Variants in TYW1B observed in about 807,000 individuals in gnomAD.
TYW1B encodes tRNA-yW synthesizing protein 1 homolog B.
In TYW1B, 73 loss-of-function variants were observed where a neutral mutation model predicts 86.9. That is an observed-to-expected ratio of 0.84 (90% confidence interval 0.70 to 1.02). The LOEUF (loss-of-function observed/expected upper bound fraction) is 1.02. Among genes scored for constraint, TYW1B ranks in the 50% least tolerant of loss-of-function variants. TYW1B has a pLI of 0.00. For synonymous variants in TYW1B, 248 were observed against 292.8 expected (o/e 0.85, Z 1.56); for missense variants, 637 against 827.4 (o/e 0.77, Z 2.82).
intron 8 of TYW1B, among the ~76,000 whole-genome samples, chr7:72,743,486 G>A (rs1346986906): frequency 6.6e-6 from 1 of 152,148 alleles, no homozygotes; most frequent in Admixed American, 6.6e-5. Flanking sequence ...GAGCTGCTAT[G>A]AAGACATGAG....
At chr7:72,638,812 AG>A (rs566859559) in intron 11 of TYW1B, among the ~76,000 whole-genome samples, 147 of 152,366 alleles carry the variant, frequency 9.6e-4, no homozygotes, top group Non-Finnish European at 1.9e-3. Flanking sequence ...TTGATGCACT[AG>A]GGAACAGTAC....
intron 8 of TYW1B, among the ~76,000 whole-genome samples, chr7:72,735,946 GAGTTGCA>G (rs1787190891): frequency 6.6e-6 from 1 of 151,928 alleles, no homozygotes; most frequent in Non-Finnish European, 1.5e-5. Context: ...TATACTCACA[GAGTTGCA>G]CATTGTTAGA....
intron 11 of TYW1B, among the ~76,000 whole-genome samples, chr7:72,652,227 C>CATT (rs1554442910): frequency 1.3e-5 from 2 of 151,368 alleles, no homozygotes; most frequent in South Asian, 2.1e-4. Flanking sequence ...AAATAAAAAA[C>CATT]ATTAGCTGGG....
At chr7:72,676,889 C>T (rs1218605262) in intron 11 of TYW1B, among the ~76,000 whole-genome samples, 7 of 151,808 alleles carry the variant, frequency 4.6e-5, no homozygotes, top group African/African-American at 1.7e-4. Flanking sequence ...ACCCAGGAGG[C>T]GGAGGTTGCA....
At chr7:72,681,953 C>T (rs1432725156) in intron 11 of TYW1B, among the ~76,000 whole-genome samples, 1 of 151,876 alleles carries the variant, frequency 6.6e-6, no homozygotes, top group Admixed American at 6.6e-5. Context: ...TCTCGGCTCA[C>T]TGCAACCTCC....
intron 13 of TYW1B, among the ~76,000 whole-genome samples, chr7:72,582,606 G>A (rs1811181492): frequency 6.6e-6 from 1 of 152,158 alleles, no homozygotes; most frequent in African/African-American, 2.4e-5. Flanking sequence ...AGGAAACACG[G>A]GATCCCAGAG....
At chr7:72,611,879 A>G (rs1554435993) in intron 13 of TYW1B, among the ~76,000 whole-genome samples, 2 of 152,188 alleles carry the variant, frequency 1.3e-5, no homozygotes, top group Non-Finnish European at 1.5e-5. Flanking sequence ...TTTCCCCACT[A>G]AACCACGAGC....
chr7:72,645,464 T>A (rs782395775), intron 11 of TYW1B, among the ~76,000 whole-genome samples: 3 of 152,132 alleles, frequency 2.0e-5, no homozygotes, highest in Non-Finnish European at 4.4e-5. Flanking sequence ...TTAGTCCATG[T>A]GTATATCAAA....
chr7:72,659,150 A>C (rs1264969856), intron 11 of TYW1B, among the ~76,000 whole-genome samples: 2 of 152,216 alleles, frequency 1.3e-5, no homozygotes, highest in African/African-American at 4.8e-5. Context: ...ACAAGAACAG[A>C]AAAATGACCT....
chr7:72,714,342 C>T (rs1236348971), intron 9 of TYW1B, among the ~76,000 whole-genome samples: 2 of 152,060 alleles, frequency 1.3e-5, no homozygotes, highest in African/African-American at 4.8e-5. Context: ...ACAGGCCAGG[C>T]GCAGTAGCTC....
intron 13 of TYW1B, among the ~76,000 whole-genome samples, chr7:72,612,881 C>T (rs1811970736): frequency 6.6e-6 from 1 of 152,002 alleles, no homozygotes; most frequent in South Asian, 2.1e-4. Flanking sequence ...CCCTAAGTAG[C>T]TGGGACTACA....
At chr7:72,752,946 T>C (rs1787525874) in intron 7 of TYW1B, among the ~76,000 whole-genome samples, 1 of 152,124 alleles carries the variant, frequency 6.6e-6, no homozygotes, top group Admixed American at 6.6e-5. Context: ...ATGGAGTTGA[T>C]GAAAATGCAT....
intron 5 of TYW1B, among the ~76,000 whole-genome samples, chr7:72,803,707 T>C (rs1231287942): frequency 2.0e-5 from 3 of 151,770 alleles, no homozygotes; most frequent in Non-Finnish European, 4.4e-5. Context: ...TCCACCTCCT[T>C]GGTTCAAGCA....
At chr7:72,600,963 C>T (rs1811651286) in intron 13 of TYW1B, among the ~76,000 whole-genome samples, 1 of 152,030 alleles carries the variant, frequency 6.6e-6, no homozygotes, top group Non-Finnish European at 1.5e-5. Context: ...CGAGACCAGC[C>T]TGGCTAACAT....
In TYW1B at chr7:72,706,749, T is replaced by TG. The variant is rs538722309; in HGVS notation, c.1370+6871dup. ...GGAAACTGAAAACCACAGGGCTTCC[T>TG]GGAAAAAATAACTACTCCTTGGATC... On this transcript the variant is annotated intron_variant, in intron 10 of 13. Transcript: ENST00000620995. Among the ~76,000 whole-genome samples the TG allele has an allele frequency of 2.8e-4, 42 of 152,286 alleles. No individual in the cohort carries two copies. The South Asian group carries it at 8.5e-3, about 31-fold the overall frequency.
At chr7:72,729,079 A>G in intron 8 of TYW1B, 148 bp from the exon 9 acceptor site, 1 of 668,544 alleles carries the variant, frequency 1.5e-6, no homozygotes, top group Non-Finnish European at 2.5e-6. Context: ...GTATTTTCCA[A>G]CTTATTTTAA....
intron 11 of TYW1B, among the ~76,000 whole-genome samples, chr7:72,681,786 C>T (rs1232548984): frequency 1.3e-5 from 2 of 151,014 alleles, no homozygotes; most frequent in African/African-American, 4.9e-5. Context: ...GGGGTTTCAC[C>T]GTGTTAGCCA....
intron 6 of TYW1B, among the ~76,000 whole-genome samples, chr7:72,777,980 G>A (rs1478358660): frequency 3.9e-5 from 6 of 152,030 alleles, no homozygotes; most frequent in African/African-American, 1.4e-4. Flanking sequence ...ATGAACCATG[G>A]CCCACAAAAC....
At chr7:72,652,664 C>G (rs1449897316) in intron 11 of TYW1B, among the ~76,000 whole-genome samples, 3 of 152,012 alleles carry the variant, frequency 2.0e-5, no homozygotes, top group African/African-American at 7.2e-5. Context: ...TTTTTATACA[C>G]CTTAGTGATA....
Sources: gnomAD v4.1 joint callset for allele counts (sites outside exome capture counted in the v4.1 genomes callset) on GRCh38, gnomAD v4.1.1 for gene constraint, MANE v1.5 for transcripts, NCBI Gene and HGNC (gene_info 2026-07-23, HGNC 2026-07-21) for gene names.